The following OCA2 variants were observed in gnomAD, a reference collection of about 807,000 sequenced individuals.
OCA2 encodes the protein OCA2 melanosomal transmembrane protein.
OCA2 carries 77 observed loss-of-function variants against 100.2 expected under a neutral mutation model. That is an observed-to-expected ratio of 0.77 (90% CI 0.64 to 0.93). The LOEUF (loss-of-function observed/expected upper bound fraction) is 0.93. OCA2 is among the 40% of genes least tolerant of loss of function. The pLI, the probability that OCA2 is intolerant of heterozygous loss-of-function variation, is 0.00. For synonymous variants in OCA2, 432 were observed against 439.2 expected, an observed-to-expected ratio of 0.98 and a Z score of 0.21; for missense variants, 1,062 against 1,089.1, an observed-to-expected ratio of 0.98 and a Z score of 0.35.
At chr15:27,858,720 T>C (rs755603567) in intron 21 of OCA2, among the ~76,000 whole-genome samples, 12 of 152,106 alleles carry the variant, frequency 7.9e-5, no homozygotes, top group Non-Finnish European at 1.6e-4. Flanking sequence ...AAAATTGGCA[T>C]AATTGAAGGA....
intron 1 of OCA2, among the ~76,000 whole-genome samples, chr15:28,090,275 T>C (rs891383013): frequency 2.0e-5 from 3 of 152,188 alleles, no homozygotes; most frequent in Non-Finnish European, 4.4e-5. Flanking sequence ...TAAACATTTA[T>C]CTCTCAGCAA....
chr15:28,070,559 C>T (rs1328846920), intron 2 of OCA2, among the ~76,000 whole-genome samples: 4 of 146,424 alleles, frequency 2.7e-5, no homozygotes, highest in East Asian at 2.1e-4. Context: ...GCCCTCCGCC[C>T]GGCCAGCCGC....
the OCA2 span, among the ~76,000 whole-genome samples, chr15:27,738,502 G>T: frequency 1.3e-5 from 2 of 152,144 alleles, no homozygotes; most frequent in Non-Finnish European, 1.5e-5. Flanking sequence ...TTGGGAGGCC[G>T]AGGCGGGCAG....
intron 2 of OCA2, among the ~76,000 whole-genome samples, chr15:28,042,137 G>GTT (rs1555382867): frequency 1.6e-5 from 2 of 126,432 alleles, no homozygotes; most frequent in Non-Finnish European, 3.5e-5. Flanking sequence ...TATTTTTAAA[G>GTT]GAAGAATGAA....
intron 14 of OCA2, among the ~76,000 whole-genome samples, 168 bp from the exon 15 acceptor site, chr15:27,966,990 C>T (rs575375291): frequency 1.2e-4 from 19 of 152,226 alleles, no homozygotes; most frequent in Admixed American, 7.2e-4. Context: ...ATTAACTGGG[C>T]GTGGTGGCGG....
intron 1 of OCA2, among the ~76,000 whole-genome samples, chr15:28,088,666 G>A (rs955833102): frequency 2.4e-4 from 37 of 152,196 alleles, no homozygotes; most frequent in Admixed American, 2.6e-4. Context: ...CCCCTGAGCC[G>A]TAAAACCAGC....
At chr15:27,856,730 ACAC>A (rs1168765636) in intron 21 of OCA2, among the ~76,000 whole-genome samples, 4 of 148,234 alleles carry the variant, frequency 2.7e-5, no homozygotes, top group Admixed American at 2.0e-4. Context: ...ACACACACAC[ACAC>A]ATTTTTTGGG....
chr15:27,939,517 G>A (rs892646599), intron 18 of OCA2, among the ~76,000 whole-genome samples: 4 of 152,122 alleles, frequency 2.6e-5, no homozygotes, highest in Non-Finnish European at 2.9e-5. Flanking sequence ...GATGACTTAC[G>A]AGGTTGAGCA....
intron 18 of OCA2, among the ~76,000 whole-genome samples, chr15:27,936,873 A>G (rs985218476): frequency 7.2e-5 from 11 of 152,220 alleles, no homozygotes; most frequent in South Asian, 4.1e-4. Context: ...AAATGCCTCA[A>G]TTACATCAAG....
At chr15:27,873,369 T>C (rs1291147984) in intron 19 of OCA2, among the ~76,000 whole-genome samples, 1 of 152,176 alleles carries the variant, frequency 6.6e-6, no homozygotes, top group Non-Finnish European at 1.5e-5. Context: ...GAACCAATGT[T>C]CCCAGGGGGG....
At chr15:27,804,552 C>A (rs1019375926) in intron 23 of OCA2, among the ~76,000 whole-genome samples, 2 of 152,186 alleles carry the variant, frequency 1.3e-5, no homozygotes, top group African/African-American at 4.8e-5. Flanking sequence ...GTAGAATGTT[C>A]TTTTTTGTTT....
intron 21 of OCA2, among the ~76,000 whole-genome samples, chr15:27,857,290 C>T (rs1223730712): frequency 6.6e-6 from 1 of 151,980 alleles, no homozygotes; most frequent in Non-Finnish European, 1.5e-5. Flanking sequence ...TTGAGGAAGC[C>T]GAAGAAAGGA....
chr15:27,746,149 T>G, the OCA2 span, among the ~76,000 whole-genome samples: 1 of 152,324 alleles, frequency 6.6e-6, no homozygotes, highest in Middle Eastern at 3.4e-3. Flanking sequence ...GTTTCACTCT[T>G]CATCAACATT....
chr15:28,011,728 C>T (rs2042244768), intron 9 of OCA2, among the ~76,000 whole-genome samples: 1 of 151,344 alleles, frequency 6.6e-6, no homozygotes, highest in Non-Finnish European at 1.5e-5. Flanking sequence ...CCAGCCTGGC[C>T]AACATGGTAA....
At chr15:27,739,932 A>T in the OCA2 span, among the ~76,000 whole-genome samples, 5 of 152,068 alleles carry the variant, frequency 3.3e-5, no homozygotes, top group Non-Finnish European at 7.4e-5. Context: ...AGAGGACGTG[A>T]CTCAGGGGTG....
intron 21 of OCA2, among the ~76,000 whole-genome samples, chr15:27,869,916 G>A (rs909314717): frequency 6.6e-6 from 1 of 152,198 alleles, no homozygotes; most frequent in Non-Finnish European, 1.5e-5. Context: ...GACAACAGCC[G>A]CAAGAGTTCT....
At chr15:27,892,497 A>G (rs2037503612) in intron 19 of OCA2, among the ~76,000 whole-genome samples, 1 of 151,702 alleles carries the variant, frequency 6.6e-6, no homozygotes. Flanking sequence ...AAATTTTAAA[A>G]TATATAGAAC....
intron 23 of OCA2, among the ~76,000 whole-genome samples, chr15:27,793,596 A>G (rs2033185349): frequency 6.6e-6 from 1 of 152,206 alleles, no homozygotes; most frequent in Non-Finnish European, 1.5e-5. Context: ...TTGAGAGCTG[A>G]AATTGCCTCC....
At chr15:27,797,838 A>G (rs1566970926) in intron 23 of OCA2, among the ~76,000 whole-genome samples, 1 of 152,116 alleles carries the variant, frequency 6.6e-6, no homozygotes, top group Non-Finnish European at 1.5e-5. Context: ...ATGTTTCCTG[A>G]AGGGCCTGGA....
Sources: gnomAD v4.1 joint callset for allele counts (sites outside exome capture counted in the v4.1 genomes callset) on GRCh38, gnomAD v4.1.1 for gene constraint, MANE v1.5 for transcripts, NCBI Gene and HGNC (gene_info 2026-07-23, HGNC 2026-07-21) for gene names.